CISD2: variants seen among roughly 807,000 people sequenced by gnomAD.
The protein encoded by CISD2 is CDGSH iron-sulfur domain-containing protein 2.
In CISD2, 1 loss-of-function variant was observed where a neutral mutation model predicts 12.9. The observed-to-expected ratio is 0.08, with a 90% CI of 0.03 to 0.37. The LOEUF is 0.37. Ranked by LOEUF, CISD2 falls within the 10% of genes least tolerant of loss-of-function variation. The pLI, the probability that CISD2 is intolerant of heterozygous loss-of-function variation, is 0.99. For synonymous variants in CISD2, 50 were observed against 60.6 expected, an observed-to-expected ratio of 0.83 and a Z score of 0.81; for missense variants, 97 against 163.1, an observed-to-expected ratio of 0.59 and a Z score of 2.21.
At chr4:102,869,615 G>T in intron 1 of CISD2, 1 of 668,680 alleles carries the variant, frequency 1.5e-6, no homozygotes, top group African/African-American at 1.8e-5. Context: ...TCAGCATGTG[G>T]GTGGGAGTGT....
intron 1 of CISD2, among the ~76,000 whole-genome samples, chr4:102,880,069 A>G (rs978988630): frequency 1.3e-5 from 2 of 151,798 alleles, no homozygotes; most frequent in African/African-American, 4.8e-5. Context: ...CAGCCTCCTG[A>G]GTAGCTGGGA....
At position 102,885,294 on chromosome 4, in the gene CISD2, C is replaced by A. The variant is rs142253163; in HGVS notation, c.182C>A (p.Pro61Gln). ...LGYLAVRPFLPKKKQQKDSLI... is the reference protein window; with the variant it reads ...LGYLAVRPFLQKKKQQKDSLI... Reference sequence around the variant, plus strand: ...TACCTTGCAGTTCGTCCATTCCTCCCGAAGAAGAAACAACAGAAGGATAGC... The same window carrying A: ...TACCTTGCAGTTCGTCCATTCCTCCAGAAGAAGAAACAACAGAAGGATAGC... Residue 61 changes from proline to glutamine, a missense_variant, in exon 2 of 3, where the codon CCG (proline) becomes CAG (glutamine). Physicochemically the swap from Pro to Gln is moderately conservative, Grantham distance 76. Around this residue, in one of 2 missense-constraint regions of CISD2, gnomAD observed 89 missense variants for 114.4 expected, o/e 0.78. Transcript: ENST00000273986. 1.9e-6 allele frequency: 3 copies of A among 1,613,914 alleles called. No individual in the cohort carries two copies. The highest frequency in any genetic ancestry group is 2.5e-6 in the Non-Finnish European group (3 of 1,179,948).
intron 1 of CISD2, among the ~76,000 whole-genome samples, chr4:102,873,438 A>AT (rs1278393259): frequency 3.3e-5 from 5 of 151,668 alleles, no homozygotes; most frequent in East Asian, 1.9e-4. Context: ...CACCTGGCTC[A>AT]TTTTTTTGTA....
intron 1 of CISD2, among the ~76,000 whole-genome samples, chr4:102,876,008 C>A (rs902697899): frequency 6.6e-6 from 1 of 152,182 alleles, no homozygotes; most frequent in African/African-American, 2.4e-5. Flanking sequence ...TACTGCTTTG[C>A]CCCAGGTTAG....
At chr4:102,885,556 A>G (rs1215360194) in intron 2 of CISD2, 126 bp downstream of exon 2, 2 of 745,616 alleles carry the variant, frequency 2.7e-6, no homozygotes, top group Non-Finnish European at 4.6e-6. Context: ...TTGAAAGACC[A>G]TATTCCTAAA....
intron 1 of CISD2, among the ~76,000 whole-genome samples, chr4:102,877,872 C>T (rs998656130): frequency 1.3e-5 from 2 of 152,184 alleles, no homozygotes; most frequent in East Asian, 1.9e-4. Context: ...TATGTTGGCC[C>T]CTTTTAGCCA....
chr4:102,880,210 C>A (rs1209193993), intron 1 of CISD2, among the ~76,000 whole-genome samples: 1 of 152,172 alleles, frequency 6.6e-6, no homozygotes, highest in Admixed American at 6.5e-5. Flanking sequence ...TCCCTTAGTG[C>A]TGGAATTACA....
intron 1 of CISD2, among the ~76,000 whole-genome samples, chr4:102,881,045 C>T (rs1029839068): frequency 6.6e-6 from 1 of 151,396 alleles, no homozygotes; most frequent in Non-Finnish European, 1.5e-5. Context: ...GTAATATTTT[C>T]CTTTCAAAGT....
chr4:102,870,861 C>G (rs1158386522), intron 1 of CISD2, among the ~76,000 whole-genome samples: 1 of 152,162 alleles, frequency 6.6e-6, no homozygotes, highest in Non-Finnish European at 1.5e-5. Flanking sequence ...CATTCCCTTA[C>G]AACTGGAAAT....
chr4:102,869,799 A>AACTTACCC lies in CISD2; in HGVS notation c.103+613_103+614insCTTACCCA, dbSNP rs1733379944. On this transcript the variant is annotated intron_variant, in intron 1 of 2. Coordinates refer to ENST00000273986, the MANE Select transcript of CISD2 (RefSeq NM_001008388.5). The stretch of plus-strand genomic sequence containing the variant: ...CCGCTGCGGTAACTTAAGTTGGAAG[A>AACTTACCC]AAGATACCTTACCCAAGAAAGTATT... Among the ~76,000 whole-genome samples, 5 of 152,316 alleles carry AACTTACCC rather than the reference A, an allele frequency of 3.3e-5. No individual in the cohort carries two copies. In the South Asian group the frequency reaches 6.2e-4, roughly 19 times the overall value.
intron 1 of CISD2, among the ~76,000 whole-genome samples, chr4:102,884,407 C>T (rs748180935): frequency 9.2e-5 from 14 of 152,162 alleles, no homozygotes; most frequent in East Asian, 1.9e-4. Flanking sequence ...GTATCAGATT[C>T]GGCATTCAGT....
chr4:102,875,469 G>A lies in CISD2; in HGVS notation c.103+6282G>A, dbSNP rs570027806. Among the ~76,000 whole-genome samples, 264 of 152,340 alleles carry A rather than the reference G, an allele frequency of 1.7e-3. 1 individual carries two copies. Among genetic ancestry groups the A allele is most frequent in the Non-Finnish European group, 3.2e-3 (220 of 68,044 alleles). On this transcript the variant is annotated intron_variant, in intron 1 of 2. Coordinates refer to ENST00000273986, the MANE Select transcript of CISD2 (RefSeq NM_001008388.5). The stretch of plus-strand genomic sequence containing the variant: ...GTACCTGTCCCACCACCTGATACAT[G>A]TGAGTGAGGTATTACAATTTTAGAA...
intron 2 of CISD2, among the ~76,000 whole-genome samples, chr4:102,886,033 C>T (rs1388367005): frequency 6.6e-6 from 1 of 152,102 alleles, no homozygotes; most frequent in Non-Finnish European, 1.5e-5. Flanking sequence ...GTTTTTAATA[C>T]AGTATTGCTC....
intron 1 of CISD2, among the ~76,000 whole-genome samples, chr4:102,879,991 G>A (rs1324854755): frequency 1.3e-5 from 2 of 151,490 alleles, no homozygotes; most frequent in Non-Finnish European, 2.9e-5. Flanking sequence ...CTCCCAGGCT[G>A]GAGTGCAGTG....
intron 1 of CISD2, among the ~76,000 whole-genome samples, chr4:102,881,177 C>T (rs1733712128): frequency 6.6e-6 from 1 of 151,872 alleles, no homozygotes; most frequent in South Asian, 2.1e-4. Context: ...CATATAAAAT[C>T]AGCCTTAATT....
Position 102,884,061 on chromosome 4 carries a change from C to T in CISD2, c.104-1155C>T, listed in dbSNP as rs191572468. On this transcript the variant is annotated intron_variant, in intron 1 of 2. Coordinates refer to ENST00000273986, the MANE Select transcript of CISD2 (RefSeq NM_001008388.5). ...TCTTTCTTTCAATAGTTAAATAGTA[C>T]TATTATCTCCTGAGAGTAGTTTTAC... is the stretch of plus-strand genomic sequence containing the variant. Among the ~76,000 whole-genome samples the T allele has an allele frequency of 5.9e-5, 9 of 152,210 alleles. No homozygotes were observed. In the East Asian group the frequency reaches 1.7e-3, roughly 29 times the overall value.
At position 102,892,113 on chromosome 4, in the gene CISD2, C is replaced by A. The variant is rs1376952471; in HGVS notation, c.*4683C>A. 1 of 152,176 alleles carries A rather than the reference C, an allele frequency of 6.6e-6. No individual in the cohort carries two copies. Among genetic ancestry groups the A allele is most frequent in the Non-Finnish European group, 1.5e-5 (1 of 68,034 alleles). The allele number at this position is 152,176 out of a possible 1,614,324, so 9.4% of individuals were successfully genotyped here. A position where few individuals can be genotyped will look rare whatever the true frequency, so the allele number is the denominator to read the frequency against. ...TGGCCCTGTCACCCAGGCTGGAGTG[C>A]GGGGGCATGATCGTAGCTCACTGCA... On this transcript the variant is annotated 3_prime_UTR_variant, in exon 3 of 3. Coordinates refer to ENST00000273986, the MANE Select transcript of CISD2 (RefSeq NM_001008388.5).
At position 102,888,054 on chromosome 4, in the gene CISD2, CTG is replaced by C. The variant is rs35045951; in HGVS notation, c.*652_*653del. 0.39 allele frequency: 56,898 copies of C among 147,696 alleles called. 10,903 individuals are homozygous for C. The highest frequency in any genetic ancestry group is 0.51 in the African/African-American group (20,294 of 39,872). The allele number at this position is 147,696 out of a possible 1,614,324, so 9.1% of individuals were successfully genotyped here. A position where few individuals can be genotyped will look rare whatever the true frequency, so the allele number is the denominator to read the frequency against. On this transcript the variant is annotated 3_prime_UTR_variant, in exon 3 of 3. Coordinates refer to ENST00000273986, the MANE Select transcript of CISD2 (RefSeq NM_001008388.5). ...TGTTTACTTTACAAAAGGCTTGTGT[CTG>C]TGTGTGTGTGTGTGTGTGTGTGTGT...
chr4:102,871,304 A>T (rs1733440340), intron 1 of CISD2, among the ~76,000 whole-genome samples: 1 of 152,212 alleles, frequency 6.6e-6, no homozygotes, highest in Non-Finnish European at 1.5e-5. Flanking sequence ...ACATTAAGAA[A>T]ACTCAACCAA....
Sources: allele counts gnomAD v4.1 joint callset (sites outside exome capture counted in the v4.1 genomes callset), GRCh38; gene constraint gnomAD v4.1.1; regional missense constraint gnomAD v4.1.1; transcripts MANE v1.5; gene names NCBI Gene and HGNC (gene_info 2026-07-23, HGNC 2026-07-21).